Variants in PAPOLA observed in about 807,000 individuals in gnomAD.
PAPOLA encodes the protein poly(A) polymerase alpha, also known as polynucleotide adenylyltransferase alpha.
PAPOLA carries 15 observed loss-of-function variants against 100.6 expected under a neutral mutation model. The observed-to-expected ratio is 0.15, with a 90% confidence interval of 0.10 to 0.23. The LOEUF (loss-of-function observed/expected upper bound fraction) is 0.23, where lower values mean the gene tolerates loss of function less well. Ranked by LOEUF, PAPOLA falls within the 10% of genes least tolerant of loss-of-function variation. PAPOLA has a pLI of 1.00. For missense variants in PAPOLA, 533 were observed against 884.2 expected (o/e 0.60, Z 5.04); for synonymous variants, 293 against 300.0 (o/e 0.98, Z 0.24).
At position 96,521,003 on chromosome 14, in the gene PAPOLA, C is replaced by T. The variant is rs1407973909; in HGVS notation, c.183-3C>T. The T allele has an allele frequency of 4.4e-6, 6 of 1,378,658 alleles. No individual in the cohort carries two copies. The highest frequency in any genetic ancestry group is 6.2e-6 in the Non-Finnish European group (6 of 966,126). 85.4% of individuals were successfully genotyped at this position (1,378,658 alleles called of 1,614,324 possible). On this transcript the variant is annotated splice_region_variant and splice_polypyrimidine_tract_variant and intron_variant, in intron 2 of 21. Coordinates refer to ENST00000216277, the MANE Select transcript of PAPOLA (RefSeq NM_032632.5). ...ACTTGATTGATAATTGTTTTATCAA[C>T]AGGATTTTAATTTTGGGAAAACTAA...
chr14:96,518,059 A>G (rs909093448), intron 1 of PAPOLA, among the ~76,000 whole-genome samples: 5 of 152,218 alleles, frequency 3.3e-5, no homozygotes, highest in Non-Finnish European at 5.9e-5. Context: ...TTGAGTAGCT[A>G]TGCAACTTAG....
rs997652355 is a variant in PAPOLA at position 96,562,858 on chromosome 14, A to T, written c.2107A>T (p.Thr703Ser). The T allele has an allele frequency of 6.2e-7, 1 of 1,612,660 alleles. No homozygotes were observed. The highest frequency in any genetic ancestry group is 1.3e-5 in the African/African-American group (1 of 74,980). Residue 703 changes from threonine to serine, a missense_variant, in exon 21 of 22, where the codon ACT (threonine) becomes TCT (serine). Transcript: ENST00000216277. The stretch of plus-strand genomic sequence containing the variant: ...AGAGACAAGTACAACTCAATCAGAA[A>T]CTATTCAGACAGCGGCTTCTCTGTT... The part of the protein sequence containing the change: ...DTETSTTQSE[T>S]IQTAASLLAS...
At chr14:96,522,689 G>A (rs750390561) in intron 3 of PAPOLA, among the ~76,000 whole-genome samples, 18 of 152,156 alleles carry the variant, frequency 1.2e-4, no homozygotes, top group Non-Finnish European at 2.6e-4. Context: ...ACAGGGGTGA[G>A]CCACTGCCCC....
chr14:96,504,303 C>G (rs1253758760), intron 1 of PAPOLA: 3 of 152,182 alleles, frequency 2.0e-5, no homozygotes, highest in Non-Finnish European at 4.4e-5. Flanking sequence ...ATTAAAAGTA[C>G]TTTTATACCT....
chr14:96,542,957 C>T (rs1900113004), intron 14 of PAPOLA, 64 bp downstream of exon 14: 1 of 1,558,308 alleles, frequency 6.4e-7, no homozygotes, highest in African/African-American at 1.4e-5. Flanking sequence ...GAAGCTTTTA[C>T]AGGCATTTTT....
At chr14:96,517,312 A>G (rs1189513083) in intron 1 of PAPOLA, among the ~76,000 whole-genome samples, 1 of 152,212 alleles carries the variant, frequency 6.6e-6, no homozygotes, top group Non-Finnish European at 1.5e-5. Context: ...AAGATAATAC[A>G]ATTACGTTAG....
intron 1 of PAPOLA, among the ~76,000 whole-genome samples, chr14:96,517,117 T>C (rs1897530517): frequency 6.6e-6 from 1 of 152,212 alleles, no homozygotes; most frequent in African/African-American, 2.4e-5. Flanking sequence ...AAAGTATAAT[T>C]TCAGCTTATA....
intron 4 of PAPOLA, chr14:96,526,779 C>A (rs1325293601): frequency 2.6e-5 from 4 of 152,470 alleles, no homozygotes; most frequent in Admixed American, 6.5e-5. Flanking sequence ...CACCGTTCTT[C>A]CTGTTCTAAT....
intron 19 of PAPOLA, among the ~76,000 whole-genome samples, chr14:96,558,907 T>A (rs1309435203): frequency 6.6e-6 from 1 of 152,086 alleles, no homozygotes; most frequent in African/African-American, 2.4e-5. Flanking sequence ...AGGCTGTTTG[T>A]TTAAATCTGG....
At chr14:96,550,818 C>T (rs1340113812) in intron 16 of PAPOLA, among the ~76,000 whole-genome samples, 1 of 152,184 alleles carries the variant, frequency 6.6e-6, no homozygotes, top group African/African-American at 2.4e-5. Flanking sequence ...GTCTAGGAGT[C>T]AAGATCTATG....
At chr14:96,564,934 G>C in intron 21 of PAPOLA, 21 bp from the exon 22 acceptor site, 1 of 1,227,644 alleles carries the variant, frequency 8.1e-7, no homozygotes, top group South Asian at 1.2e-5. Flanking sequence ...ACAATGTTGT[G>C]TTCTTTGCTT....
chr14:96,517,372 G>C (rs1897550592), intron 1 of PAPOLA, among the ~76,000 whole-genome samples: 1 of 152,166 alleles, frequency 6.6e-6, no homozygotes, highest in South Asian at 2.1e-4. Context: ...TTTAAGAGTA[G>C]ATCTCAGGTT....
chr14:96,532,503 A>C lies in PAPOLA; in HGVS notation c.698-8A>C, dbSNP rs781194902. The C allele has an allele frequency of 6.2e-7, 1 of 1,606,252 alleles. No homozygotes were observed. The highest frequency in any genetic ancestry group is 2.2e-5 in the East Asian group (1 of 44,808). Reference sequence around the variant, plus strand: ...TAACTTATCTTTTTGCTTTTCCCTTATCAACAGGCCACAACATCTATTCCA... The same window carrying C: ...TAACTTATCTTTTTGCTTTTCCCTTCTCAACAGGCCACAACATCTATTCCA... On this transcript the variant is annotated splice_polypyrimidine_tract_variant and splice_region_variant and intron_variant, in intron 8 of 21. Coordinates refer to ENST00000216277, the MANE Select transcript of PAPOLA (RefSeq NM_032632.5).
At chr14:96,556,568 A>G (rs1346927883) in intron 19 of PAPOLA, among the ~76,000 whole-genome samples, 155 bp downstream of exon 19, 2 of 152,216 alleles carry the variant, frequency 1.3e-5, no homozygotes, top group Non-Finnish European at 2.9e-5. Flanking sequence ...TTAGTGCTGT[A>G]GTTTCTCTTC....
intron 21 of PAPOLA, 92 bp from the exon 22 acceptor site, chr14:96,564,863 A>C (rs533683599): frequency 2.8e-6 from 2 of 713,748 alleles, no homozygotes; most frequent in African/African-American, 1.8e-5. Context: ...TCTTCTTAGA[A>C]GGTTTCTTAG....
intron 16 of PAPOLA, among the ~76,000 whole-genome samples, chr14:96,548,790 G>T (rs1344527973): frequency 6.6e-6 from 1 of 152,166 alleles, no homozygotes; most frequent in African/African-American, 2.4e-5. Context: ...ATGGCTGGTT[G>T]TCTGGGATTG....
chr14:96,537,333 T>A (rs1899622314), intron 12 of PAPOLA: 1 of 330,594 alleles, frequency 3.0e-6, no homozygotes, highest in Non-Finnish European at 5.6e-6. Flanking sequence ...ACAAAAACAG[T>A]ACATCTGTAT....
At chr14:96,544,362 C>G in intron 15 of PAPOLA, 104 bp downstream of exon 15, 3 of 622,512 alleles carry the variant, frequency 4.8e-6, no homozygotes, top group Non-Finnish European at 5.7e-6. Context: ...AAATTACTTG[C>G]GAATATTGAA....
chr14:96,521,761 G>T (rs1897982691), intron 3 of PAPOLA, among the ~76,000 whole-genome samples: 1 of 151,632 alleles, frequency 6.6e-6, no homozygotes, highest in Non-Finnish European at 1.5e-5. Flanking sequence ...TTCCAGGCGT[G>T]AGCCGCTGCC....
Sources: allele counts gnomAD v4.1 joint callset (sites outside exome capture counted in the v4.1 genomes callset), GRCh38; gene constraint gnomAD v4.1.1; transcripts MANE v1.5; gene names NCBI Gene and HGNC (gene_info 2026-07-23, HGNC 2026-07-21).